The following UXS1 variants were observed in gnomAD, a reference collection of about 807,000 sequenced individuals.
The protein encoded by UXS1 is UDP-glucuronic acid decarboxylase 1.
Under a neutral mutation model 62.6 loss-of-function variants are expected in UXS1, and 33 were observed. The ratio of observed to expected loss-of-function variants is 0.53; its 90% CI spans 0.40 to 0.70. The LOEUF (loss-of-function observed/expected upper bound fraction) is 0.70. Among genes scored for constraint, UXS1 ranks in the 30% least tolerant of loss-of-function variants. The pLI is 0.00. For missense variants in UXS1, 434 were observed against 556.3 expected, an observed-to-expected ratio of 0.78 and a Z score of 2.21; for synonymous variants, 213 against 206.8, an observed-to-expected ratio of 1.03 and a Z score of -0.26.
In UXS1 at chr2:106,105,162, G is replaced by C. The variant is rs552429977; in HGVS notation, c.880-325C>G. Among the ~76,000 whole-genome samples, 3 of 108,812 alleles carry C rather than the reference G, an allele frequency of 2.8e-5. No homozygotes were observed. In the East Asian group the frequency reaches 8.1e-4, roughly 30 times the overall value. 71.4% of individuals were successfully genotyped at this position (108,812 alleles called of 152,430 possible). ...GAGGCTCTGGGGGGCTGTGACCTCA[G>C]AGTCCAGCTAGGTGACAGATCTACA... On this transcript the variant is annotated intron_variant, in intron 10 of 14. Coordinates refer to ENST00000283148, the MANE Select transcript of UXS1 (RefSeq NM_001253875.2).
At chr2:106,185,615 G>A (rs1249854540) in intron 1 of UXS1, among the ~76,000 whole-genome samples, 5 of 152,142 alleles carry the variant, frequency 3.3e-5, no homozygotes, top group Non-Finnish European at 7.4e-5. Context: ...TGAGTTTAAC[G>A]GTGCCCCCTA....
chr2:106,144,151 C>A (rs567153614), intron 6 of UXS1, among the ~76,000 whole-genome samples: 2 of 152,320 alleles, frequency 1.3e-5, no homozygotes, highest in African/African-American at 4.8e-5. Context: ...CCACAGCAAT[C>A]CCAGGAGGAA....
intron 1 of UXS1, among the ~76,000 whole-genome samples, chr2:106,181,166 C>T (rs184032622): frequency 6.6e-6 from 1 of 152,292 alleles, no homozygotes; most frequent in Admixed American, 6.5e-5. Flanking sequence ...ATCCCTCCCA[C>T]ACCTGTCACC....
intron 9 of UXS1, among the ~76,000 whole-genome samples, chr2:106,119,446 C>T (rs1048835598): frequency 6.6e-6 from 1 of 152,154 alleles, no homozygotes; most frequent in Non-Finnish European, 1.5e-5. Flanking sequence ...CCTGAGGGGG[C>T]TGCGGGGAAT....
At chr2:106,116,043 T>A (rs1197206628) in intron 9 of UXS1, among the ~76,000 whole-genome samples, 1 of 152,196 alleles carries the variant, frequency 6.6e-6, no homozygotes, top group Admixed American at 6.5e-5. Flanking sequence ...GCCTCATTCG[T>A]AGCAGCTGAG....
At chr2:106,178,734 T>C (rs1433748773) in intron 1 of UXS1, among the ~76,000 whole-genome samples, 2 of 151,914 alleles carry the variant, frequency 1.3e-5, no homozygotes, top group Non-Finnish European at 2.9e-5. Flanking sequence ...AGTGGATGCC[T>C]GGCACTGGCC....
At chr2:106,108,774 C>T (rs568060576) in intron 10 of UXS1, among the ~76,000 whole-genome samples, 1 of 152,146 alleles carries the variant, frequency 6.6e-6, no homozygotes, top group South Asian at 2.1e-4. Context: ...GATCACTTAG[C>T]AATGTCCCCA....
intron 14 of UXS1, among the ~76,000 whole-genome samples, chr2:106,095,898 C>T (rs750521932): frequency 6.6e-6 from 1 of 152,174 alleles, no homozygotes; most frequent in Admixed American, 6.5e-5. Flanking sequence ...GCACAGCAGG[C>T]GGCAGAGCAG....
rs1487676211 is a variant in UXS1, at chr2:106,125,639, G to C, written c.618C>G (p.Ser206=). 1 of 1,579,110 alleles carries C rather than the reference G, an allele frequency of 6.3e-7. No homozygotes were observed. The highest frequency in any genetic ancestry group is 8.6e-7 in the Non-Finnish European group (1 of 1,162,214). The change falls in exon 8 of 15, where the codon TCC becomes TCG. Residue 206 remains serine, a synonymous_variant. Transcript: ENST00000283148. ...ACTCACCTCCATACACCTCCGATGT[G>C]GAGGCCAGGAGCAGACGGGCACCGA... The part of the protein sequence containing the change: ...KRVGARLLLA[S]TSEVYGDPEV...
intron 10 of UXS1, among the ~76,000 whole-genome samples, chr2:106,109,553 G>A (rs1231473048): frequency 6.6e-6 from 1 of 152,198 alleles, no homozygotes; most frequent in Non-Finnish European, 1.5e-5. Flanking sequence ...TCCTGTGAAG[G>A]TGAGTGCCAT....
intron 6 of UXS1, 138 bp downstream of exon 6, chr2:106,145,052 A>G: frequency 1.1e-6 from 1 of 932,636 alleles, no homozygotes; most frequent in Non-Finnish European, 1.6e-6. Flanking sequence ...CACCTCATAC[A>G]TATTGAGACA....
At chr2:106,158,209 GGGACTGT>G in intron 4 of UXS1, 91 bp from the exon 5 acceptor site, 1 of 1,154,976 alleles carries the variant, frequency 8.7e-7, no homozygotes, top group African/African-American at 1.5e-5. Context: ...GCCAGGTTTT[GGGACTGT>G]TATTGTTTGC....
At chr2:106,171,694 C>T (rs1273604664) in intron 1 of UXS1, among the ~76,000 whole-genome samples, 1 of 152,224 alleles carries the variant, frequency 6.6e-6, no homozygotes, top group Non-Finnish European at 1.5e-5. Context: ...AGTAATGTTA[C>T]AAGGCTGGAT....
chr2:106,130,449 C>G (rs550477774), intron 6 of UXS1, among the ~76,000 whole-genome samples: 120 of 152,326 alleles, frequency 7.9e-4, no homozygotes, highest in Non-Finnish European at 1.6e-3. Flanking sequence ...ATGGCAGCAA[C>G]AGACACACAC....
At chr2:106,182,922 A>G (rs1385963837) in intron 1 of UXS1, among the ~76,000 whole-genome samples, 1 of 152,222 alleles carries the variant, frequency 6.6e-6, no homozygotes, top group Non-Finnish European at 1.5e-5. Flanking sequence ...AACCTAGGAT[A>G]GAAATTCTGT....
At chr2:106,143,526 T>C (rs989107885) in intron 6 of UXS1, among the ~76,000 whole-genome samples, 2 of 151,260 alleles carry the variant, frequency 1.3e-5, no homozygotes, top group African/African-American at 2.4e-5. Flanking sequence ...CTAATCAAAT[T>C]TAGAGGCTCA....
At chr2:106,130,510 A>G (rs1470461122) in intron 6 of UXS1, among the ~76,000 whole-genome samples, 1 of 152,224 alleles carries the variant, frequency 6.6e-6, no homozygotes, top group Non-Finnish European at 1.5e-5. Context: ...ATGCCATTCT[A>G]CTTTTAGCCA....
intron 6 of UXS1, among the ~76,000 whole-genome samples, chr2:106,143,816 T>C (rs1573501081): frequency 1.3e-5 from 2 of 152,174 alleles, no homozygotes; most frequent in African/African-American, 2.4e-5. Context: ...CCAGGGTAGG[T>C]CAGGTCCCTT....
Position 106,094,103 on chromosome 2 carries a change from C to T in UXS1, c.1201G>A (p.Glu401Lys), listed in dbSNP as rs1676880417. The T allele has an allele frequency of 1.2e-6, 2 of 1,613,378 alleles. No individual in the cohort carries two copies. The highest frequency in any genetic ancestry group is 1.1e-5 in the South Asian group (1 of 91,042). The stretch of plus-strand genomic sequence containing the variant: ...ATGTACTGATTATTTGCCTGGTACT[C>T]GAGTTCTTTACGGAAGTAGTGAATT... ...KAIHYFRKELEYQANNQYIPK... is the reference protein window; with the variant it reads ...KAIHYFRKELKYQANNQYIPK... Residue 401 changes from glutamate to lysine, a missense_variant, in exon 15 of 15, where the codon GAG (glutamate) becomes AAG (lysine). Glu to Lys is a moderately conservative substitution (Grantham distance 56, BLOSUM62 1). Coordinates refer to ENST00000283148, the MANE Select transcript of UXS1 (RefSeq NM_001253875.2).
Sources: allele counts gnomAD v4.1 joint callset (sites outside exome capture counted in the v4.1 genomes callset), GRCh38; gene constraint gnomAD v4.1.1; transcripts MANE v1.5; gene names NCBI Gene and HGNC (gene_info 2026-07-23, HGNC 2026-07-21).